GRID2: variants seen among roughly 807,000 people sequenced by gnomAD.
The protein encoded by GRID2 is glutamate receptor ionotropic, delta-2.
In GRID2, 33 loss-of-function variants were observed where a neutral mutation model predicts 114.8. The observed-to-expected ratio is 0.29, with a 90% confidence interval of 0.22 to 0.38. The LOEUF (loss-of-function observed/expected upper bound fraction) is 0.38. Among genes scored for constraint, GRID2 ranks in the 10% least tolerant of loss-of-function variants. GRID2 has a pLI of 1.00. For missense variants in GRID2, 1,184 were observed against 1,257.7 expected, an observed-to-expected ratio of 0.94 and a Z score of 0.89; for synonymous variants, 505 against 449.9, an observed-to-expected ratio of 1.12 and a Z score of -1.55.
At chr4:93,088,324 T>TA (rs1467008371) in intron 3 of GRID2, among the ~76,000 whole-genome samples, 6 of 152,174 alleles carry the variant, frequency 3.9e-5, no homozygotes, top group Admixed American at 2.6e-4. Flanking sequence ...GTTCAGCTTT[T>TA]AAAAATATGT....
intron 1 of GRID2, among the ~76,000 whole-genome samples, chr4:92,425,627 A>G (rs537834356): frequency 9.9e-5 from 15 of 152,190 alleles, no homozygotes; most frequent in Non-Finnish European, 2.2e-4. Flanking sequence ...ATGTTTGTGT[A>G]GCTTATTCTG....
chr4:92,935,161 G>A (rs556551511), intron 2 of GRID2, among the ~76,000 whole-genome samples: 1 of 145,978 alleles, frequency 6.9e-6, no homozygotes, highest in African/African-American at 2.4e-5. Flanking sequence ...CTAATATCCA[G>A]AATCTACAAT....
chr4:92,609,320 T>C (rs568604353), intron 2 of GRID2, among the ~76,000 whole-genome samples: 1 of 151,734 alleles, frequency 6.6e-6, no homozygotes, highest in African/African-American at 2.4e-5. Context: ...GTGCCAAGTA[T>C]TAGTCTAGGA....
chr4:93,152,899 C>T (rs1736860374), intron 4 of GRID2, among the ~76,000 whole-genome samples: 1 of 152,028 alleles, frequency 6.6e-6, no homozygotes, highest in African/African-American at 2.4e-5. Flanking sequence ...AAAAGAATAA[C>T]ATGCTCAAAA....
intron 2 of GRID2, among the ~76,000 whole-genome samples, chr4:92,655,281 T>G (rs1732170261): frequency 6.6e-6 from 1 of 151,988 alleles, no homozygotes; most frequent in South Asian, 2.1e-4. Context: ...TTGGTTACTA[T>G]AGCCTTGTCT....
chr4:93,528,953 T>C (rs1731188732), intron 13 of GRID2, among the ~76,000 whole-genome samples: 2 of 152,140 alleles, frequency 1.3e-5, no homozygotes, highest in South Asian at 4.1e-4. Context: ...ATGAGAAAAT[T>C]ATACCTAAAA....
chr4:93,112,800 T>G (rs1438305156), intron 4 of GRID2, among the ~76,000 whole-genome samples: 1 of 152,172 alleles, frequency 6.6e-6, no homozygotes, highest in Non-Finnish European at 1.5e-5. Context: ...GCCTCCCTCC[T>G]TGGCTTGTAG....
At chr4:92,905,080 A>G (rs1338487283) in intron 2 of GRID2, among the ~76,000 whole-genome samples, 1 of 152,026 alleles carries the variant, frequency 6.6e-6, no homozygotes, top group Non-Finnish European at 1.5e-5. Context: ...TTTTCAAAAC[A>G]AATGCTATAT....
chr4:92,681,597 G>A (rs1422343494), intron 2 of GRID2, among the ~76,000 whole-genome samples: 1 of 152,012 alleles, frequency 6.6e-6, no homozygotes. Flanking sequence ...GTTAAATGAT[G>A]AGTTAATGGG....
At chr4:92,866,519 G>GAAAT (rs1285489291) in intron 2 of GRID2, among the ~76,000 whole-genome samples, 5 of 151,740 alleles carry the variant, frequency 3.3e-5, no homozygotes, top group Middle Eastern at 3.2e-3. Flanking sequence ...ACCAAATGGT[G>GAAAT]TTGTTAGAAA....
At chr4:93,466,680 T>C (rs941310207) in intron 11 of GRID2, among the ~76,000 whole-genome samples, 1 of 152,206 alleles carries the variant, frequency 6.6e-6, no homozygotes, top group Non-Finnish European at 1.5e-5. Flanking sequence ...AAGCTGCTTC[T>C]GCCCCGGCCC....
At chr4:93,770,639 C>T (rs112215919) in intron 15 of GRID2, among the ~76,000 whole-genome samples, 1 of 152,142 alleles carries the variant, frequency 6.6e-6, no homozygotes, top group African/African-American at 2.4e-5. Flanking sequence ...AATCAAGTCA[C>T]ATTGTAGTGT....
intron 13 of GRID2, among the ~76,000 whole-genome samples, chr4:93,623,570 G>T (rs1363209864): frequency 1.3e-5 from 2 of 152,132 alleles, no homozygotes; most frequent in Non-Finnish European, 2.9e-5. Flanking sequence ...CAATAGCAAA[G>T]ACTTGGAACC....
intron 2 of GRID2, among the ~76,000 whole-genome samples, chr4:93,030,940 G>A (rs980283617): frequency 2.7e-5 from 4 of 150,800 alleles, no homozygotes; most frequent in Admixed American, 6.6e-5. Context: ...AAAAGAGGAT[G>A]TGAAATTTCT....
chr4:93,344,984 AGTGTGTGTGTGT>A (rs35018148), intron 8 of GRID2, among the ~76,000 whole-genome samples: 29 of 142,498 alleles, frequency 2.0e-4, no homozygotes, highest in Admixed American at 4.3e-4. Flanking sequence ...GTTGTATTCT[AGTGTGTGTGTGT>A]GTGTGTGTGT....
At chr4:93,126,982 T>TAG (rs1410875977) in intron 4 of GRID2, among the ~76,000 whole-genome samples, 5 of 152,220 alleles carry the variant, frequency 3.3e-5, no homozygotes, top group African/African-American at 1.2e-4. Flanking sequence ...TAATAATAGC[T>TAG]AGCTAGCATT....
intron 2 of GRID2, among the ~76,000 whole-genome samples, chr4:92,681,498 T>C (rs1407323406): frequency 6.6e-6 from 1 of 151,642 alleles, no homozygotes; most frequent in East Asian, 1.9e-4. Flanking sequence ...TCATTTTTTA[T>C]GGCTGCACAG....
At chr4:92,776,678 C>T (rs936698604) in intron 2 of GRID2, among the ~76,000 whole-genome samples, 6 of 152,040 alleles carry the variant, frequency 3.9e-5, no homozygotes, top group African/African-American at 7.2e-5. Context: ...AATGTTGCCT[C>T]ATTCCTCTGT....
intron 2 of GRID2, among the ~76,000 whole-genome samples, chr4:92,994,779 T>C (rs763613881): frequency 6.6e-5 from 10 of 152,164 alleles, no homozygotes; most frequent in Non-Finnish European, 1.3e-4. Flanking sequence ...GTCTTTCACA[T>C]TGGTGCCAAC....
Sources: allele counts gnomAD v4.1 joint callset (sites outside exome capture counted in the v4.1 genomes callset), GRCh38; gene constraint gnomAD v4.1.1; transcripts MANE v1.5; gene names NCBI Gene and HGNC (gene_info 2026-07-23, HGNC 2026-07-21).